The following ADAMTS17 variants were observed in gnomAD, a reference collection of about 807,000 sequenced individuals.
The protein encoded by ADAMTS17 is A disintegrin and metalloproteinase with thrombospondin motifs 17.
A neutral mutation model predicts 141.5 loss-of-function variants in ADAMTS17; 113 were observed. That is an observed-to-expected ratio of 0.80 (90% CI 0.69 to 0.93). The LOEUF (loss-of-function observed/expected upper bound fraction) is 0.93. ADAMTS17 is among the 40% of genes least tolerant of loss of function. The pLI, the probability that ADAMTS17 is intolerant of heterozygous loss-of-function variation, is 0.00. For missense variants in ADAMTS17, 1,659 were observed against 1,517.9 expected (o/e 1.09, Z -1.54); for synonymous variants, 768 against 630.6 (o/e 1.22, Z -3.27).
chr15:99,997,805 C>T lies in ADAMTS17; in HGVS notation c.2592-216G>A, dbSNP rs2060835360. Among the ~76,000 whole-genome samples the T allele has an allele frequency of 6.6e-6, 1 of 152,246 alleles. No individual in the cohort carries two copies. On this transcript the variant is annotated intron_variant, in intron 18 of 21. Coordinates refer to ENST00000268070, the MANE Select transcript of ADAMTS17 (RefSeq NM_139057.4). The surrounding 1 kb of genome is among the most constrained non-coding windows in gnomAD (Gnocchi z 4.7). ...GGTTGGATGGTCTCCTCAGCACAGA[C>T]ATCTTTCTGCAACCAACACCCCTAC...
chr15:100,087,333 T>G (rs1023758637), intron 15 of ADAMTS17, among the ~76,000 whole-genome samples: 17 of 152,244 alleles, frequency 1.1e-4, no homozygotes, highest in South Asian at 2.1e-4. Context: ...CTCAAAAATT[T>G]AGGCAATAAT....
chr15:100,055,157 C>A (rs1349017588), intron 15 of ADAMTS17, among the ~76,000 whole-genome samples: 2 of 152,222 alleles, frequency 1.3e-5, no homozygotes, highest in African/African-American at 4.8e-5. Context: ...CAACTGGAGC[C>A]CCAAGGACAC....
chr15:100,126,206 C>T (rs1159272587), intron 12 of ADAMTS17: 3 of 152,206 alleles, frequency 2.0e-5, no homozygotes, highest in African/African-American at 4.8e-5. Flanking sequence ...TGGGAAGCCC[C>T]GGAGATGGCT....
chr15:100,195,305 C>T (rs1567332371), intron 8 of ADAMTS17, among the ~76,000 whole-genome samples: 1 of 152,212 alleles, frequency 6.6e-6, no homozygotes, highest in Non-Finnish European at 1.5e-5. Flanking sequence ...TCTTCTGCAG[C>T]CTGCTCCTTT....
chr15:100,100,541 A>G (rs987612766), intron 14 of ADAMTS17, among the ~76,000 whole-genome samples: 3 of 152,162 alleles, frequency 2.0e-5, no homozygotes, highest in Non-Finnish European at 2.9e-5. Flanking sequence ...GAACTGACAG[A>G]CAGGCATCCT....
intron 14 of ADAMTS17, among the ~76,000 whole-genome samples, chr15:100,102,787 T>C (rs1371731950): frequency 6.6e-6 from 1 of 152,190 alleles, no homozygotes; most frequent in Non-Finnish European, 1.5e-5. Context: ...TCCATGACCC[T>C]GGAAAGCAGC....
At chr15:100,151,090 A>G (rs1302750992) in intron 10 of ADAMTS17, among the ~76,000 whole-genome samples, 1 of 152,074 alleles carries the variant, frequency 6.6e-6, no homozygotes, top group East Asian at 1.9e-4. Context: ...AGGGCTCATC[A>G]CATCTCCCCA....
At chr15:100,232,044 T>C (rs932679895) in intron 7 of ADAMTS17, among the ~76,000 whole-genome samples, 1 of 152,230 alleles carries the variant, frequency 6.6e-6, no homozygotes, top group Admixed American at 6.5e-5. Context: ...CACGGCGACC[T>C]TGCCCCCACT....
intron 18 of ADAMTS17, among the ~76,000 whole-genome samples, chr15:100,043,266 A>T (rs2031409926): frequency 6.6e-6 from 1 of 152,162 alleles, no homozygotes; most frequent in Non-Finnish European, 1.5e-5. Flanking sequence ...CCTGTTTTTC[A>T]ATTTCATTTT....
At chr15:100,109,724 A>G (rs2036632724) in intron 13 of ADAMTS17, among the ~76,000 whole-genome samples, 1 of 152,070 alleles carries the variant, frequency 6.6e-6, no homozygotes, top group African/African-American at 2.4e-5. Context: ...CAGGATGGAA[A>G]CCTGGGTTTC....
chr15:100,209,140 A>C (rs1292468956), intron 7 of ADAMTS17, among the ~76,000 whole-genome samples: 5 of 150,892 alleles, frequency 3.3e-5, no homozygotes, highest in South Asian at 2.1e-4. Flanking sequence ...AAAAGGAAGA[A>C]AGAAAGAAAA....
chr15:100,326,602 C>T (rs2045908390), intron 3 of ADAMTS17, among the ~76,000 whole-genome samples: 1 of 152,164 alleles, frequency 6.6e-6, no homozygotes, highest in Non-Finnish European at 1.5e-5. Context: ...AGACTTTTAC[C>T]AAGTGTGTGA....
At chr15:100,304,922 T>C (rs535746337) in intron 3 of ADAMTS17, among the ~76,000 whole-genome samples, 4 of 152,244 alleles carry the variant, frequency 2.6e-5, no homozygotes, top group Non-Finnish European at 5.9e-5. Context: ...TTCCACTTAA[T>C]AAATAGTGAA....
chr15:100,054,933 G>C (rs751154139), intron 15 of ADAMTS17, among the ~76,000 whole-genome samples: 1 of 152,210 alleles, frequency 6.6e-6, no homozygotes, highest in Non-Finnish European at 1.5e-5. Flanking sequence ...ACTTCGGGGT[G>C]AAGATCATGT....
At chr15:100,151,565 G>A (rs994781893) in intron 10 of ADAMTS17, among the ~76,000 whole-genome samples, 53 of 152,298 alleles carry the variant, frequency 3.5e-4, no homozygotes, top group African/African-American at 1.3e-3. Context: ...GACCAGGTGT[G>A]CTTCTGAGTG....
At chr15:100,069,656 G>A (rs2033825172) in intron 15 of ADAMTS17, among the ~76,000 whole-genome samples, 1 of 152,042 alleles carries the variant, frequency 6.6e-6, no homozygotes. Context: ...CTTCATAAGT[G>A]AAGGAGAAAT....
At chr15:99,992,898 G>C (rs2060718968) in intron 20 of ADAMTS17, 150 bp downstream of exon 20, 1 of 969,056 alleles carries the variant, frequency 1.0e-6, no homozygotes, top group Middle Eastern at 3.1e-4. Context: ...ACGGGGTCTT[G>C]GGTAGTTGCA....
intron 18 of ADAMTS17, among the ~76,000 whole-genome samples, chr15:100,014,824 A>G (rs1332423506): frequency 1.3e-5 from 2 of 152,212 alleles, no homozygotes; most frequent in Admixed American, 6.5e-5. Context: ...GTTGAATAGA[A>G]TGTGTATTCT....
intron 6 of ADAMTS17, among the ~76,000 whole-genome samples, chr15:100,257,920 C>T (rs1268153531): frequency 1.3e-5 from 2 of 152,204 alleles, no homozygotes; most frequent in Non-Finnish European, 2.9e-5. Flanking sequence ...CCCATTCTCC[C>T]TTCTCCCCAG....
Sources: allele counts gnomAD v4.1 joint callset (sites outside exome capture counted in the v4.1 genomes callset), GRCh38; gene constraint gnomAD v4.1.1; non-coding constraint Gnocchi (gnomAD v3.1); transcripts MANE v1.5; gene names NCBI Gene and HGNC (gene_info 2026-07-23, HGNC 2026-07-21).